Variants in IGF1R observed in about 807,000 individuals in gnomAD.
IGF1R encodes insulin-like growth factor 1 receptor.
In IGF1R, 44 loss-of-function variants were observed where a neutral mutation model predicts 144.6. The observed-to-expected ratio is 0.30, with a 90% CI of 0.24 to 0.39. The LOEUF (loss-of-function observed/expected upper bound fraction) is 0.39, where lower values mean the gene tolerates loss of function less well. Ranked by LOEUF, IGF1R falls within the 10% of genes least tolerant of loss-of-function variation. IGF1R has a pLI of 1.00. For synonymous variants in IGF1R, 795 were observed against 722.8 expected (o/e 1.10, Z -1.60); for missense variants, 1,355 against 1,833.7 (o/e 0.74, Z 4.77).
At chr15:98,806,503 A>T (rs986919389) in intron 2 of IGF1R, among the ~76,000 whole-genome samples, 1 of 152,120 alleles carries the variant, frequency 6.6e-6, no homozygotes, top group African/African-American at 2.4e-5. Context: ...AAAAAAAACA[A>T]AAAACTGTTG....
At chr15:98,731,157 T>A (rs965770264) in intron 2 of IGF1R, among the ~76,000 whole-genome samples, 1 of 152,244 alleles carries the variant, frequency 6.6e-6, no homozygotes, top group South Asian at 2.1e-4. Context: ...GTTACCGTAG[T>A]GATAATTCTT....
At chr15:98,822,594 T>C (rs1363907877) in intron 2 of IGF1R, among the ~76,000 whole-genome samples, 1 of 152,260 alleles carries the variant, frequency 6.6e-6, no homozygotes, top group Non-Finnish European at 1.5e-5. Context: ...AAGCTTCTTA[T>C]TCATTCGCTC....
chr15:98,797,493 A>G (rs1242539315), intron 2 of IGF1R, among the ~76,000 whole-genome samples: 1 of 152,206 alleles, frequency 6.6e-6, no homozygotes, highest in East Asian at 1.9e-4. Flanking sequence ...AGCCATGTCT[A>G]GGTTCTGAGT....
chr15:98,678,518 T>C (rs563112401), intron 1 of IGF1R, among the ~76,000 whole-genome samples: 102 of 151,554 alleles, frequency 6.7e-4, no homozygotes, highest in Non-Finnish European at 1.1e-3. Flanking sequence ...AAAAGAATAG[T>C]TTTTGTTGTG....
intron 2 of IGF1R, among the ~76,000 whole-genome samples, chr15:98,874,793 G>A (rs1045021515): frequency 4.6e-5 from 7 of 152,240 alleles, no homozygotes; most frequent in African/African-American, 1.7e-4. Context: ...AACTGATACA[G>A]CCTAGCTTGG....
chr15:98,759,869 T>C (rs1021694298), intron 2 of IGF1R, among the ~76,000 whole-genome samples: 27 of 152,228 alleles, frequency 1.8e-4, no homozygotes, highest in African/African-American at 6.0e-4. Flanking sequence ...TATTTTATTT[T>C]GCTAGTTTTT....
intron 2 of IGF1R, among the ~76,000 whole-genome samples, chr15:98,843,017 C>T (rs540154012): frequency 1.2e-4 from 19 of 152,292 alleles, no homozygotes; most frequent in African/African-American, 3.6e-4. Context: ...TATATTACCA[C>T]GGTTAGAATT....
chr15:98,758,342 C>A (rs1440958788), intron 2 of IGF1R, among the ~76,000 whole-genome samples: 3 of 152,100 alleles, frequency 2.0e-5, no homozygotes, highest in Non-Finnish European at 4.4e-5. Flanking sequence ...CCTGTTGCAG[C>A]TGAGCTTGGT....
intron 1 of IGF1R, among the ~76,000 whole-genome samples, chr15:98,666,741 G>T (rs983472988): frequency 1.3e-5 from 2 of 152,132 alleles, no homozygotes; most frequent in African/African-American, 4.8e-5. Flanking sequence ...AGAGGCTGGG[G>T]GGAGGGAGCA....
intron 2 of IGF1R, among the ~76,000 whole-genome samples, chr15:98,862,718 T>C (rs12594847): frequency 0.12 from 18,669 of 152,256 alleles, 1,490 homozygotes; most frequent in East Asian, 0.38. Context: ...TGTATCCTTA[T>C]AGTTCAAAGG....
chr15:98,649,465 G>T lies in IGF1R; in HGVS notation c.-117G>T. On this transcript the variant is annotated 5_prime_UTR_variant, in exon 1 of 21. Transcript: ENST00000650285. Reference sequence around the variant, plus strand: ...GTTTCCTTCGCCCTTGTTTTTGGAGGGGGAGCGAAGACTGAGTTTGAGACT... The same window carrying T: ...GTTTCCTTCGCCCTTGTTTTTGGAGTGGGAGCGAAGACTGAGTTTGAGACT... The T allele has an allele frequency of 1.4e-6, 1 of 725,426 alleles. No homozygotes were observed. Among genetic ancestry groups the T allele is most frequent in the South Asian group, 1.7e-5 (1 of 57,754 alleles). The allele number at this position is 725,426 out of a possible 1,614,324, so 44.9% of individuals were successfully genotyped here.
At chr15:98,754,185 C>G (rs534478605) in intron 2 of IGF1R, among the ~76,000 whole-genome samples, 40 of 152,102 alleles carry the variant, frequency 2.6e-4, no homozygotes, top group Non-Finnish European at 5.0e-4. Flanking sequence ...TTTTCCCTTT[C>G]GTTTTTCTTT....
intron 2 of IGF1R, among the ~76,000 whole-genome samples, chr15:98,831,004 C>T (rs1163454492): frequency 6.6e-6 from 1 of 152,072 alleles, no homozygotes; most frequent in Non-Finnish European, 1.5e-5. Flanking sequence ...AGAGAGACGC[C>T]AGATCTCCTG....
At chr15:98,860,292 C>G (rs1320236833) in intron 2 of IGF1R, among the ~76,000 whole-genome samples, 1 of 152,224 alleles carries the variant, frequency 6.6e-6, no homozygotes, top group Non-Finnish European at 1.5e-5. Flanking sequence ...TACAACAATC[C>G]AAACCCTTGT....
chr15:98,695,972 G>A (rs563590088), intron 1 of IGF1R, among the ~76,000 whole-genome samples: 3 of 121,446 alleles, frequency 2.5e-5, no homozygotes, highest in South Asian at 2.2e-4. Flanking sequence ...TCTCTCCCCT[G>A]GCCCCTTACT....
chr15:98,748,404 G>A (rs113094616), intron 2 of IGF1R, among the ~76,000 whole-genome samples: 2,053 of 152,196 alleles, frequency 0.013, 45 homozygotes, highest in African/African-American at 0.047. Flanking sequence ...CAAACTCCTG[G>A]CCTCAAGTGA....
intron 5 of IGF1R, among the ~76,000 whole-genome samples, chr15:98,907,220 C>G (rs1390619508): frequency 6.6e-6 from 1 of 152,222 alleles, no homozygotes; most frequent in Non-Finnish European, 1.5e-5. Flanking sequence ...GAAAATGTCA[C>G]AGGGCTGCTT....
chr15:98,836,631 A>G (rs1370023165), intron 2 of IGF1R, among the ~76,000 whole-genome samples: 2 of 152,154 alleles, frequency 1.3e-5, no homozygotes, highest in African/African-American at 2.4e-5. Flanking sequence ...ACAATGACAC[A>G]ATACTGTTAA....
At chr15:98,843,559 TA>T (rs1330211811) in intron 2 of IGF1R, among the ~76,000 whole-genome samples, 3 of 152,158 alleles carry the variant, frequency 2.0e-5, no homozygotes, top group African/African-American at 7.2e-5. Flanking sequence ...TGAAAGTATT[TA>T]AAATATTTTT....
Sources: gnomAD v4.1 joint callset for allele counts (sites outside exome capture counted in the v4.1 genomes callset) on GRCh38, gnomAD v4.1.1 for gene constraint, MANE v1.5 for transcripts, NCBI Gene and HGNC (gene_info 2026-07-23, HGNC 2026-07-21) for gene names.